Variants in LGI1 observed in about 807,000 individuals in gnomAD.
The protein encoded by LGI1 is leucine rich glioma inactivated 1.
In LGI1, 11 loss-of-function variants were observed where a neutral mutation model predicts 57.7. The ratio of observed to expected loss-of-function variants is 0.19; its 90% confidence interval spans 0.12 to 0.32. LGI1 has a LOEUF of 0.32. Ranked by LOEUF, LGI1 falls within the 10% of genes least tolerant of loss-of-function variation. The pLI is 1.00. For missense variants in LGI1, 422 were observed against 661.9 expected, an observed-to-expected ratio of 0.64 and a Z score of 3.98; for synonymous variants, 222 against 241.9, an observed-to-expected ratio of 0.92 and a Z score of 0.76.
At chr10:93,779,407 A>G (rs1023935503) in intron 4 of LGI1, among the ~76,000 whole-genome samples, 2 of 132,068 alleles carry the variant, frequency 1.5e-5, no homozygotes, top group African/African-American at 5.6e-5. Context: ...AGAAGGAAGG[A>G]AGGAAGGAGG....
At chr10:93,793,136 A>C in intron 6 of LGI1, 50 bp from the exon 7 acceptor site, 1 of 1,469,716 alleles carries the variant, frequency 6.8e-7, no homozygotes, top group Non-Finnish European at 9.4e-7. Context: ...AGATCTAGCC[A>C]AGGAAAGAGG....
chr10:93,798,058 T>C lies in LGI1; in HGVS notation c.*255T>C. 1 of 523,920 alleles carries C rather than the reference T, an allele frequency of 1.9e-6. No individual in the cohort carries two copies. The allele number at this position is 523,920 out of a possible 1,614,324, so 32.5% of individuals were successfully genotyped here. On this transcript the variant is annotated 3_prime_UTR_variant, in exon 8 of 8. Coordinates refer to ENST00000371418, the MANE Select transcript of LGI1 (RefSeq NM_005097.4). ...AGATGTGTAAATAAGCGTTTAATGG[T>C]ATCTGTTACTCCAAAAAGAAATATT...
chr10:93,792,712 A>G (rs568766302), intron 5 of LGI1, 31 bp from the exon 6 acceptor site: 1 of 1,611,870 alleles, frequency 6.2e-7, no homozygotes, highest in Admixed American at 1.7e-5. Context: ...GGGCCCTTGT[A>G]CAGCAAAAGC....
rs139998006 is a variant in LGI1 at position 93,776,664 on chromosome 10, C to T, written c.288-715C>T. On this transcript the variant is annotated intron_variant, in intron 2 of 7. Coordinates refer to ENST00000371418, the MANE Select transcript of LGI1 (RefSeq NM_005097.4). ...GCCTAAAACTACCTCTTTTAAGCCT[C>T]TCATTCAGTTCTCCAAGGAGTTCAA... Among the ~76,000 whole-genome samples, 609 of 152,276 alleles carry T rather than the reference C, an allele frequency of 4.0e-3. 3 individuals are homozygous for T. Among genetic ancestry groups the T allele is most frequent in the African/African-American group, 0.014 (573 of 41,536 alleles).
In LGI1 at chr10:93,792,902, C is replaced by T. The variant is rs747307969; in HGVS notation, c.663C>T (p.Cys221=). ...INSLSSKDFD[C]IITEFAKSQD... ...GTCTCTCCTCGAAGGATTTTGATTG[C>T]ATCATTACAGGTAATGTACTCATCA... The change falls in exon 6 of 8, where the codon TGC becomes TGT. Residue 221 remains cysteine, a synonymous_variant. Transcript: ENST00000371418. 1.9e-6 allele frequency: 3 copies of T among 1,613,766 alleles called. No individual in the cohort carries two copies. The highest frequency in any genetic ancestry group is 2.2e-5 in the South Asian group (2 of 91,078).
intron 2 of LGI1, chr10:93,776,859 T>C (rs892776892): frequency 5.9e-6 from 1 of 169,228 alleles, no homozygotes; most frequent in African/African-American, 2.4e-5. Flanking sequence ...TTTCAGTCTG[T>C]GTGCAAAGGA....
chr10:93,776,802 G>A (rs2059798650), intron 2 of LGI1: 1 of 153,088 alleles, frequency 6.5e-6, no homozygotes, highest in Non-Finnish European at 1.5e-5. Flanking sequence ...TCAACTATTT[G>A]GTAATAAAAT....
At chr10:93,778,426 C>T (rs1185585605) in intron 4 of LGI1, among the ~76,000 whole-genome samples, 1 of 152,046 alleles carries the variant, frequency 6.6e-6, no homozygotes, top group East Asian at 1.9e-4. Context: ...CACACACTCT[C>T]ACATACACAC....
intron 6 of LGI1, 123 bp downstream of exon 6, chr10:93,793,035 A>C: frequency 8.3e-7 from 1 of 1,205,166 alleles, no homozygotes; most frequent in Non-Finnish European, 1.2e-6. Flanking sequence ...TTTTAAAAAA[A>C]TTATGAACCA....
intron 4 of LGI1, among the ~76,000 whole-genome samples, chr10:93,784,318 A>ACG (rs1451591310): frequency 2.0e-5 from 3 of 152,196 alleles, no homozygotes; most frequent in Non-Finnish European, 4.4e-5. Flanking sequence ...GGCCTAAAGT[A>ACG]TCACCTATCC....
At chr10:93,765,178 A>C (rs574717202) in intron 2 of LGI1, 7 of 152,350 alleles carry the variant, frequency 4.6e-5, no homozygotes, top group Admixed American at 1.3e-4. Context: ...TTTGGCCACT[A>C]TTGGGCTGCG....
At chr10:93,792,538 C>T in intron 5 of LGI1, 3 of 629,918 alleles carry the variant, frequency 4.8e-6, no homozygotes, top group Non-Finnish European at 5.8e-6. Flanking sequence ...GATGAGGTTC[C>T]ATTGACTGGG....
chr10:93,789,989 T>C (rs1230883267), intron 4 of LGI1, 110 bp from the exon 5 acceptor site: 9 of 1,092,370 alleles, frequency 8.2e-6, no homozygotes, highest in Non-Finnish European at 1.2e-5. Context: ...ACCACAAGTC[T>C]TTTAGTAGGC....
chr10:93,788,239 T>C (rs1039401804), intron 4 of LGI1: 7 of 152,230 alleles, frequency 4.6e-5, no homozygotes, highest in Non-Finnish European at 8.8e-5. Context: ...GTCAGTAAGA[T>C]GAATTATGGA....
chr10:93,772,501 A>G (rs1202132553), intron 2 of LGI1, among the ~76,000 whole-genome samples: 1 of 152,220 alleles, frequency 6.6e-6, no homozygotes, highest in African/African-American at 2.4e-5. Flanking sequence ...TATCCATAAT[A>G]CAAAACTTAC....
chr10:93,790,206 AATTTGCAGTC>A (rs765454881), intron 5 of LGI1, 36 bp downstream of exon 5: 2 of 1,515,826 alleles, frequency 1.3e-6, no homozygotes, highest in African/African-American at 2.8e-5. Context: ...ACAATTAATT[AATTTGCAGTC>A]ATTAACAAGG....
At chr10:93,785,098 ATG>A (rs148683291) in intron 4 of LGI1, among the ~76,000 whole-genome samples, 1,985 of 152,118 alleles carry the variant, frequency 0.013, 43 homozygotes, top group African/African-American at 0.045. Flanking sequence ...GTGTGTGTAT[ATG>A]TGTGTGTGTG....
intron 4 of LGI1, chr10:93,788,658 T>A (rs2059909788): frequency 6.6e-6 from 1 of 152,222 alleles, no homozygotes; most frequent in African/African-American, 2.4e-5. Flanking sequence ...CAGTTCCTAT[T>A]CTTGCATTCC....
Position 93,797,869 on chromosome 10 carries a change from A to T in LGI1, c.*66A>T, listed in dbSNP as rs2059994720. On this transcript the variant is annotated 3_prime_UTR_variant, in exon 8 of 8. Coordinates refer to ENST00000371418, the MANE Select transcript of LGI1 (RefSeq NM_005097.4). The surrounding 1 kb of genome is among the most constrained non-coding windows in gnomAD (Gnocchi z 6.5). ...TACATGACCCGGATGAACTCAATGC[A>T]TGATGACTCTTCTTATCACACTTGC... 9.4e-7 allele frequency: 1 copy of T among 1,060,890 alleles called. No homozygotes were observed. The allele number at this position is 1,060,890 out of a possible 1,614,324, so 65.7% of individuals were successfully genotyped here.
Sources: allele counts gnomAD v4.1 joint callset (sites outside exome capture counted in the v4.1 genomes callset), GRCh38; gene constraint gnomAD v4.1.1; non-coding constraint Gnocchi (gnomAD v3.1); transcripts MANE v1.5; gene names NCBI Gene and HGNC (gene_info 2026-07-23, HGNC 2026-07-21).